Variants in TEAD1 observed in about 807,000 individuals in gnomAD.
TEAD1 encodes the protein TEA domain transcription factor 1, also known as transcriptional enhancer factor TEF-1.
In TEAD1, 9 loss-of-function variants were observed where a neutral mutation model predicts 54.9. The ratio of observed to expected loss-of-function variants is 0.16; its 90% CI spans 0.10 to 0.29. The LOEUF is 0.29. Ranked by LOEUF, TEAD1 falls within the 10% of genes least tolerant of loss-of-function variation. The probability of loss-of-function intolerance (pLI) is 1.00; values close to 1 mark genes in which losing one functional copy is unlikely to be tolerated. For missense variants in TEAD1, 387 were observed against 535.9 expected, an observed-to-expected ratio of 0.72 and a Z score of 2.74; for synonymous variants, 200 against 187.8, an observed-to-expected ratio of 1.07 and a Z score of -0.53.
At chr11:12,892,228 T>G (rs1948211860) in intron 9 of TEAD1, among the ~76,000 whole-genome samples, 1 of 152,168 alleles carries the variant, frequency 6.6e-6, no homozygotes, top group African/African-American at 2.4e-5. Flanking sequence ...AGATCCTTTC[T>G]TGGTTTGGAA....
intron 9 of TEAD1, among the ~76,000 whole-genome samples, chr11:12,893,518 C>T (rs542189167): frequency 1.3e-5 from 2 of 152,212 alleles, no homozygotes; most frequent in Non-Finnish European, 2.9e-5. Context: ...GTTCTATAGA[C>T]ATTTCACAGA....
intron 2 of TEAD1, among the ~76,000 whole-genome samples, chr11:12,761,123 G>A (rs1474499873): frequency 6.6e-6 from 1 of 152,130 alleles, no homozygotes; most frequent in Non-Finnish European, 1.5e-5. Flanking sequence ...ATTTAAAACT[G>A]GCTGTACTTA....
At chr11:12,926,308 G>T (rs1416401563) in intron 11 of TEAD1, among the ~76,000 whole-genome samples, 1 of 152,194 alleles carries the variant, frequency 6.6e-6, no homozygotes. Context: ...TTATGAGAAT[G>T]TTGTTGAGGA....
chr11:12,849,599 T>G (rs1947226800), intron 3 of TEAD1, among the ~76,000 whole-genome samples: 1 of 152,242 alleles, frequency 6.6e-6, no homozygotes. Context: ...CTTACCTTTG[T>G]GTAGCTATTG....
intron 2 of TEAD1, among the ~76,000 whole-genome samples, chr11:12,708,876 A>G (rs894166748): frequency 6.6e-6 from 1 of 152,202 alleles, no homozygotes; most frequent in Admixed American, 6.5e-5. Context: ...TTCAATATAT[A>G]TGTGTGTATT....
At chr11:12,777,248 C>T (rs1435414986) in intron 3 of TEAD1, among the ~76,000 whole-genome samples, 2 of 152,112 alleles carry the variant, frequency 1.3e-5, no homozygotes, top group Non-Finnish European at 2.9e-5. Flanking sequence ...AGTCCCCCCG[C>T]CTTTGGGGGA....
At chr11:12,738,262 A>G (rs1039684293) in intron 2 of TEAD1, among the ~76,000 whole-genome samples, 11 of 152,222 alleles carry the variant, frequency 7.2e-5, no homozygotes, top group African/African-American at 2.7e-4. Context: ...AAAATGGAGT[A>G]GGGGAAGAAA....
chr11:12,687,683 G>A (rs1320160117), intron 2 of TEAD1, among the ~76,000 whole-genome samples: 2 of 152,120 alleles, frequency 1.3e-5, no homozygotes, highest in African/African-American at 4.8e-5. Flanking sequence ...TGTTTTCTTG[G>A]TGGCCCATTT....
chr11:12,927,824 A>AT (rs1948930502), intron 11 of TEAD1, among the ~76,000 whole-genome samples: 1 of 152,084 alleles, frequency 6.6e-6, no homozygotes, highest in Non-Finnish European at 1.5e-5. Flanking sequence ...AAAGCTCTTG[A>AT]TTTTGCATAT....
intron 2 of TEAD1, among the ~76,000 whole-genome samples, chr11:12,762,125 C>G (rs977670310): frequency 6.6e-6 from 1 of 152,162 alleles, no homozygotes; most frequent in Non-Finnish European, 1.5e-5. Context: ...AAGTGTGGCT[C>G]CTCGGAGTAA....
At chr11:12,906,631 C>G (rs973756873) in intron 10 of TEAD1, among the ~76,000 whole-genome samples, 1 of 151,962 alleles carries the variant, frequency 6.6e-6, no homozygotes, top group Admixed American at 6.6e-5. Flanking sequence ...TAAAATCCAG[C>G]GTTGGAATTT....
At chr11:12,883,936 G>A (rs1481788605) in intron 9 of TEAD1, among the ~76,000 whole-genome samples, 3 of 151,510 alleles carry the variant, frequency 2.0e-5, no homozygotes, top group Non-Finnish European at 2.9e-5. Flanking sequence ...CGGAGGTTGC[G>A]GTGAGCCAAG....
chr11:12,791,275 T>C (rs1305292124), intron 3 of TEAD1, among the ~76,000 whole-genome samples: 2 of 152,238 alleles, frequency 1.3e-5, no homozygotes, highest in African/African-American at 4.8e-5. Flanking sequence ...AGGAGTCTTT[T>C]GCAGGGCTTC....
At chr11:12,742,840 A>G (rs1590105597) in intron 2 of TEAD1, among the ~76,000 whole-genome samples, 2 of 152,234 alleles carry the variant, frequency 1.3e-5, no homozygotes, top group Admixed American at 6.5e-5. Context: ...AACTTTTGCC[A>G]TCTATTAGAA....
At chr11:12,840,279 G>C (rs1349887686) in intron 3 of TEAD1, among the ~76,000 whole-genome samples, 1 of 124,664 alleles carries the variant, frequency 8.0e-6, no homozygotes, top group Non-Finnish European at 1.8e-5. Flanking sequence ...AAAAAGACCA[G>C]AAACGAAATC....
chr11:12,692,240 C>G (rs747154253), intron 2 of TEAD1, among the ~76,000 whole-genome samples: 3 of 152,190 alleles, frequency 2.0e-5, no homozygotes, highest in Admixed American at 6.5e-5. Context: ...CCCAGTCCCC[C>G]CAGCAAAGCA....
At chr11:12,919,104 A>G (rs1321488847) in intron 10 of TEAD1, among the ~76,000 whole-genome samples, 2 of 152,228 alleles carry the variant, frequency 1.3e-5, no homozygotes, top group African/African-American at 4.8e-5. Context: ...TTCTGAATGT[A>G]TATTTTAATT....
At chr11:12,905,488 G>C (rs2134133539) in intron 10 of TEAD1, among the ~76,000 whole-genome samples, 1 of 152,290 alleles carries the variant, frequency 6.6e-6, no homozygotes, top group East Asian at 1.9e-4. Flanking sequence ...AAGAAATTCA[G>C]TCATAACTAT....
At chr11:12,927,461 T>C (rs1290667864) in intron 11 of TEAD1, among the ~76,000 whole-genome samples, 7 of 152,186 alleles carry the variant, frequency 4.6e-5, no homozygotes, top group African/African-American at 1.7e-4. Context: ...TTATAGTATA[T>C]ACTGATATTT....
Sources: gnomAD v4.1 joint callset for allele counts (sites outside exome capture counted in the v4.1 genomes callset) on GRCh38, gnomAD v4.1.1 for gene constraint, MANE v1.5 for transcripts, NCBI Gene and HGNC (gene_info 2026-07-23, HGNC 2026-07-21) for gene names.